Variants in CFAP299 observed in about 807,000 individuals in gnomAD.
The protein encoded by CFAP299 is cilia- and flagella-associated protein 299.
A neutral mutation model predicts 27.0 loss-of-function variants in CFAP299; 21 were observed. The ratio of observed to expected loss-of-function variants is 0.78; its 90% CI spans 0.55 to 1.12. The LOEUF (loss-of-function observed/expected upper bound fraction) is 1.12. CFAP299 is among the 50% of genes most tolerant of loss of function. The pLI is 0.00. For synonymous variants in CFAP299, 104 were observed against 98.1 expected (o/e 1.06, Z -0.36); for missense variants, 310 against 276.6 (o/e 1.12, Z -0.86).
At chr4:80,736,915 A>G (rs1376081308) in intron 3 of CFAP299, among the ~76,000 whole-genome samples, 2 of 152,196 alleles carry the variant, frequency 1.3e-5, no homozygotes, top group Non-Finnish European at 1.5e-5. Context: ...AACCAACCCA[A>G]ATGTCCAACA....
At chr4:80,342,341 A>C (rs1208426545) in intron 1 of CFAP299, among the ~76,000 whole-genome samples, 1 of 152,192 alleles carries the variant, frequency 6.6e-6, no homozygotes, top group African/African-American at 2.4e-5. Context: ...ATTCCACAAG[A>C]AGATCAACCT....
chr4:80,435,051 G>GTC (rs1560566111), intron 2 of CFAP299, among the ~76,000 whole-genome samples: 6 of 152,172 alleles, frequency 3.9e-5, no homozygotes, highest in Non-Finnish European at 5.9e-5. Context: ...GTTAAGAAAG[G>GTC]TTTTTTGCTG....
At chr4:80,663,383 G>C (rs1399234610) in intron 3 of CFAP299, among the ~76,000 whole-genome samples, 2 of 152,118 alleles carry the variant, frequency 1.3e-5, no homozygotes, top group East Asian at 3.9e-4. Flanking sequence ...AGAACATGTG[G>C]TGTTTGGTTT....
chr4:80,933,318 C>G (rs551563578), intron 4 of CFAP299, among the ~76,000 whole-genome samples: 7 of 152,038 alleles, frequency 4.6e-5, no homozygotes, highest in Non-Finnish European at 7.4e-5. Context: ...CCCAGCACCC[C>G]CTAGCAACCA....
intron 3 of CFAP299, among the ~76,000 whole-genome samples, chr4:80,670,274 T>C (rs1741401894): frequency 6.6e-6 from 1 of 152,160 alleles, no homozygotes; most frequent in Non-Finnish European, 1.5e-5. Flanking sequence ...ATGCTCAGAA[T>C]GATGATTTCC....
At chr4:80,762,895 G>T (rs1725618109) in intron 3 of CFAP299, among the ~76,000 whole-genome samples, 1 of 152,190 alleles carries the variant, frequency 6.6e-6, no homozygotes, top group African/African-American at 2.4e-5. Flanking sequence ...CTTAGGGTCA[G>T]CTGAGGCAGC....
At chr4:80,696,068 G>A (rs569861164) in intron 3 of CFAP299, among the ~76,000 whole-genome samples, 8 of 152,128 alleles carry the variant, frequency 5.3e-5, no homozygotes, top group South Asian at 4.2e-4. Flanking sequence ...TTGGGAGGCC[G>A]AGGTGGGTGG....
At chr4:80,477,713 C>T (rs927561658) in intron 2 of CFAP299, among the ~76,000 whole-genome samples, 6 of 152,172 alleles carry the variant, frequency 3.9e-5, no homozygotes, top group African/African-American at 1.2e-4. Flanking sequence ...ACTGTTCCTA[C>T]CACCTTTTAA....
At chr4:80,681,279 G>T (rs1719821796) in intron 3 of CFAP299, among the ~76,000 whole-genome samples, 2 of 152,036 alleles carry the variant, frequency 1.3e-5, no homozygotes, top group South Asian at 2.1e-4. Context: ...TGTGAATTCT[G>T]CATATGCATA....
intron 2 of CFAP299, among the ~76,000 whole-genome samples, chr4:80,465,145 C>T (rs1230258457): frequency 6.6e-6 from 1 of 151,842 alleles, no homozygotes; most frequent in Non-Finnish European, 1.5e-5. Context: ...AAATTACTAC[C>T]CTTTTCATTG....
chr4:80,463,733 C>T, intron 2 of CFAP299, among the ~76,000 whole-genome samples: 1 of 152,072 alleles, frequency 6.6e-6, no homozygotes, highest in East Asian at 1.9e-4. Context: ...TCCCTAAAGG[C>T]CCTATCTCTA....
intron 4 of CFAP299, among the ~76,000 whole-genome samples, chr4:80,883,513 A>C (rs1269324287): frequency 2.6e-5 from 4 of 152,308 alleles, no homozygotes; most frequent in Non-Finnish European, 4.4e-5. Context: ...AACATTATCC[A>C]ACCATATGCT....
intron 3 of CFAP299, among the ~76,000 whole-genome samples, chr4:80,672,913 G>C (rs1741582424): frequency 6.8e-6 from 1 of 146,622 alleles, no homozygotes; most frequent in South Asian, 2.2e-4. Context: ...TATTAGTCTT[G>C]TTAGTGGTCT....
chr4:80,849,882 C>T (rs967024426), intron 3 of CFAP299, among the ~76,000 whole-genome samples: 2 of 151,914 alleles, frequency 1.3e-5, no homozygotes, highest in Non-Finnish European at 2.9e-5. Flanking sequence ...AATCTCACCA[C>T]AAAGAAATGA....
At chr4:80,799,999 TGATATATAATAAGTAA>T (rs1205172562) in intron 3 of CFAP299, among the ~76,000 whole-genome samples, 8 of 58,350 alleles carry the variant, frequency 1.4e-4, no homozygotes, top group African/African-American at 5.8e-4. Flanking sequence ...ATATATATTA[TGATATATAATAAGTAA>T]TATATATTAT....
At chr4:80,913,388 T>C (rs2110205125) in intron 4 of CFAP299, among the ~76,000 whole-genome samples, 1 of 152,318 alleles carries the variant, frequency 6.6e-6, no homozygotes, top group Non-Finnish European at 1.5e-5. Flanking sequence ...AACTTCTGTT[T>C]AATATATCTT....
chr4:80,579,003 G>A (rs941072114), intron 2 of CFAP299, among the ~76,000 whole-genome samples: 2 of 152,114 alleles, frequency 1.3e-5, no homozygotes, highest in Non-Finnish European at 2.9e-5. Flanking sequence ...AAATGGTCAA[G>A]TATCTTTTTG....
At chr4:80,591,274 C>T (rs1375141049) in intron 3 of CFAP299, among the ~76,000 whole-genome samples, 1 of 150,692 alleles carries the variant, frequency 6.6e-6, no homozygotes, top group African/African-American at 2.4e-5. Context: ...CAGGCGCCCG[C>T]CACTACGCCC....
chr4:80,443,909 T>C (rs879125004), intron 2 of CFAP299, among the ~76,000 whole-genome samples: 8 of 152,160 alleles, frequency 5.3e-5, no homozygotes, highest in Non-Finnish European at 1.2e-4. Flanking sequence ...AGCCAAATCA[T>C]GAGTGAACTG....
Sources: allele counts gnomAD v4.1 joint callset (sites outside exome capture counted in the v4.1 genomes callset), GRCh38; gene constraint gnomAD v4.1.1; transcripts MANE v1.5; gene names NCBI Gene and HGNC (gene_info 2026-07-23, HGNC 2026-07-21).